Variants in ADCY3 observed in about 807,000 individuals in gnomAD.
ADCY3 encodes adenylate cyclase 3, also known as adenylate cyclase type 3.
A neutral mutation model predicts 119.4 loss-of-function variants in ADCY3; 70 were observed. The ratio of observed to expected loss-of-function variants is 0.59; its 90% CI spans 0.48 to 0.72. The LOEUF (loss-of-function observed/expected upper bound fraction) is 0.72, where lower values mean the gene tolerates loss of function less well. Ranked by LOEUF, ADCY3 falls within the 30% of genes least tolerant of loss-of-function variation. ADCY3 has a pLI of 0.00. For missense variants in ADCY3, 1,238 were observed against 1,541.6 expected (o/e 0.80, Z 3.30); for synonymous variants, 672 against 621.4 (o/e 1.08, Z -1.21).
chr2:24,847,568 A>G lies in ADCY3; in HGVS notation c.826-5184T>C, dbSNP rs147880894. On this transcript the variant is annotated intron_variant, in intron 3 of 21. Transcript: ENST00000679454. The stretch of plus-strand genomic sequence containing the variant: ...TCTCCCAGGGCCCTGCAGCCCAGGG[A>G]TAGCAACTTAGGCAGCCTTGGTGCT... Among the ~76,000 whole-genome samples the G allele has an allele frequency of 2.1e-3, 321 of 152,266 alleles. 1 individual carries two copies. Among genetic ancestry groups the G allele is most frequent in the African/African-American group, 7.2e-3 (298 of 41,554 alleles).
In ADCY3 at chr2:24,829,013, C is replaced by T. The variant is rs13393512; in HGVS notation, c.2173-852G>A. 3.4e-5 allele frequency among the ~76,000 whole-genome samples: 3 copies of T among 88,076 alleles called. No homozygotes were observed. In the East Asian group the frequency reaches 2.4e-3, roughly 71 times the overall value. 57.8% of individuals were successfully genotyped at this position (88,076 alleles called of 152,430 possible). Reference sequence around the variant, plus strand: ...ACTCCTCATTCCCAGTAGACTTATTCTTTTTTTTCTTTTTTTTTTTTGAGA... The same window carrying T: ...ACTCCTCATTCCCAGTAGACTTATTTTTTTTTTTCTTTTTTTTTTTTGAGA... On this transcript the variant is annotated intron_variant, in intron 13 of 21. Coordinates refer to ENST00000679454, the MANE Select transcript of ADCY3 (RefSeq NM_004036.5).
intron 9 of ADCY3, among the ~76,000 whole-genome samples, 193 bp from the exon 10 acceptor site, chr2:24,835,129 C>T (rs1418581145): frequency 6.6e-6 from 1 of 152,204 alleles, no homozygotes; most frequent in Non-Finnish European, 1.5e-5. Flanking sequence ...TGGATCTACA[C>T]CCAAAGCTCC....
chr2:24,843,045 G>A (rs1486334955), intron 3 of ADCY3, among the ~76,000 whole-genome samples: 1 of 152,222 alleles, frequency 6.6e-6, no homozygotes, highest in African/African-American at 2.4e-5. Context: ...CCTTGGTCGA[G>A]CCCAAGACGC....
intron 2 of ADCY3, among the ~76,000 whole-genome samples, chr2:24,901,837 T>C (rs1259390339): frequency 6.8e-6 from 1 of 146,002 alleles, no homozygotes; most frequent in East Asian, 2.0e-4. Flanking sequence ...CCAAACAGAG[T>C]ACCTATATAA....
At chr2:24,908,213 T>A (rs1278117017) in intron 2 of ADCY3, among the ~76,000 whole-genome samples, 2 of 151,592 alleles carry the variant, frequency 1.3e-5, no homozygotes, top group African/African-American at 4.9e-5. Flanking sequence ...CCCCAGCTAC[T>A]CGGGAAGGCT....
intron 2 of ADCY3, among the ~76,000 whole-genome samples, chr2:24,879,018 T>C (rs999038454): frequency 6.6e-6 from 1 of 152,066 alleles, no homozygotes; most frequent in African/African-American, 2.4e-5. Context: ...TAGAAAGCCA[T>C]AGGCAACAAC....
intron 3 of ADCY3, among the ~76,000 whole-genome samples, chr2:24,860,142 C>T (rs1470794929): frequency 6.6e-6 from 1 of 152,234 alleles, no homozygotes; most frequent in Non-Finnish European, 1.5e-5. Flanking sequence ...GAGTATGATT[C>T]AGAGAGGCTC....
rs765936155 is a variant in ADCY3, at chr2:24,841,719, C to G, written c.957-52G>C. 33 of 1,418,694 alleles carry G rather than the reference C, an allele frequency of 2.3e-5. No individual in the cohort carries two copies. The Middle Eastern group carries it at 7.3e-4, about 32-fold the overall frequency. 87.9% of individuals were successfully genotyped at this position (1,418,694 alleles called of 1,614,324 possible). ...GACGCTCCAGGCAGCCAGGTGTACC[C>G]GACCCCACTGCCAGCTCCCTCTCCA... On this transcript the variant is annotated intron_variant, in intron 4 of 21. Coordinates refer to ENST00000679454, the MANE Select transcript of ADCY3 (RefSeq NM_004036.5). The surrounding 1 kb of genome is among the most constrained non-coding windows in gnomAD (Gnocchi z 5.8).
At position 24,839,968 on chromosome 2, in the gene ADCY3, C is replaced by T. The variant is rs769879688; in HGVS notation, c.1260G>A (p.Val420=). 6.2e-7 allele frequency: 1 copy of T among 1,613,892 alleles called. No homozygotes were observed. Among genetic ancestry groups the T allele is most frequent in the Non-Finnish European group, 8.5e-7 (1 of 1,180,030 alleles). Residue 420 remains valine (V), a synonymous_variant, in exon 7 of 22, where the codon GTG becomes GTA. Coordinates refer to ENST00000679454, the MANE Select transcript of ADCY3 (RefSeq NM_004036.5). ...GCTTCTGGCCCAGGACGCCCCCCAG[C>T]ACGGTGCCCGTGTGCACCCCCACAC... ...DMRVGVHTGT[V]LGGVLGQKRW...
chr2:24,893,569 T>C (rs547699875), intron 2 of ADCY3, among the ~76,000 whole-genome samples: 5 of 151,944 alleles, frequency 3.3e-5, no homozygotes, highest in African/African-American at 1.2e-4. Flanking sequence ...TGATAGTTGG[T>C]TCTTGCTTTG....
chr2:24,901,848 A>G (rs1251872918), intron 2 of ADCY3, among the ~76,000 whole-genome samples: 1 of 152,060 alleles, frequency 6.6e-6, no homozygotes, highest in Non-Finnish European at 1.5e-5. Flanking sequence ...ACCTATATAA[A>G]AAGGAAAGAA....
intron 21 of ADCY3, 63 bp from the exon 22 acceptor site, chr2:24,820,177 G>A (rs1363565117): frequency 7.7e-7 from 1 of 1,305,310 alleles, no homozygotes; most frequent in East Asian, 2.5e-5. Context: ...AGGGCGGGTG[G>A]GGGCTTTGGG....
intron 3 of ADCY3, among the ~76,000 whole-genome samples, chr2:24,849,190 C>T (rs1458730009): frequency 6.6e-6 from 1 of 152,192 alleles, no homozygotes; most frequent in East Asian, 1.9e-4. Context: ...GAGTTCTGTC[C>T]CTTCAGAAAA....
chr2:24,905,946 C>T (rs950884429), intron 2 of ADCY3, among the ~76,000 whole-genome samples: 5 of 152,030 alleles, frequency 3.3e-5, no homozygotes, highest in African/African-American at 9.7e-5. Context: ...AGAAAGCCAC[C>T]CGGGGTGAGG....
chr2:24,902,585 C>T (rs1679036556), intron 2 of ADCY3, among the ~76,000 whole-genome samples: 1 of 152,084 alleles, frequency 6.6e-6, no homozygotes, highest in South Asian at 2.1e-4. Context: ...AGGGTTTGAA[C>T]CGCACAGGTC....
chr2:24,883,882 C>A (rs1676701550), intron 2 of ADCY3, among the ~76,000 whole-genome samples: 1 of 152,248 alleles, frequency 6.6e-6, no homozygotes, highest in Admixed American at 6.5e-5. Context: ...ACAGCAAACT[C>A]TTTGGATTCC....
Position 24,830,134 on chromosome 2 carries a change from G to T in ADCY3, c.2172+575C>A, listed in dbSNP as rs992214244. ...CGGCTCACTGCAACCTCCGCCTCCTGGGTTCAAGCGATTCTCCTGCTTCAG... is the reference window on the plus strand; with the variant it reads ...CGGCTCACTGCAACCTCCGCCTCCTTGGTTCAAGCGATTCTCCTGCTTCAG... On this transcript the variant is annotated intron_variant, in intron 13 of 21. Transcript: ENST00000679454. 2.2e-4 allele frequency among the ~76,000 whole-genome samples: 32 copies of T among 148,414 alleles called. 2 individuals are homozygous for T. Among genetic ancestry groups the T allele is most frequent in the African/African-American group, 8.0e-4 (32 of 39,890 alleles).
intron 2 of ADCY3, among the ~76,000 whole-genome samples, chr2:24,889,282 A>C (rs2148923879): frequency 6.6e-6 from 1 of 152,312 alleles, no homozygotes. Flanking sequence ...TTTGAACAGA[A>C]AGCACAAAAT....
rs374613429 is a variant in ADCY3, at chr2:24,821,919, T to C, written c.3004-279A>G. The C allele has an allele frequency of 8.2e-4, 322 of 392,192 alleles. 2 individuals are homozygous for C. The South Asian group carries it at 0.01, about 12-fold the overall frequency. 24.3% of individuals were successfully genotyped at this position (392,192 alleles called of 1,614,324 possible). Reference sequence around the variant, plus strand: ...ACCCCTTCACCTTGGCTGGGCCTGGTCCTGGTCCTTAGGTTTTGTCAGGTT... The same window carrying C: ...ACCCCTTCACCTTGGCTGGGCCTGGCCCTGGTCCTTAGGTTTTGTCAGGTT... On this transcript the variant is annotated intron_variant, in intron 19 of 21. Transcript: ENST00000679454.
Sources: gnomAD v4.1 joint callset for allele counts (sites outside exome capture counted in the v4.1 genomes callset) on GRCh38, gnomAD v4.1.1 for gene constraint, Gnocchi (gnomAD v3.1) non-coding constraint, MANE v1.5 for transcripts, NCBI Gene and HGNC (gene_info 2026-07-23, HGNC 2026-07-21) for gene names.